The following RPL6 variants were observed in gnomAD, a reference collection of about 807,000 sequenced individuals.
The protein encoded by RPL6 is ribosomal protein L6, also known as large ribosomal subunit protein eL6.
In RPL6, 1 loss-of-function variant was observed where a neutral mutation model predicts 32.1. That is an observed-to-expected ratio of 0.03 (90% CI 0.01 to 0.15). RPL6 has a LOEUF of 0.15. Among genes scored for constraint, RPL6 ranks in the 10% least tolerant of loss-of-function variants. RPL6 has a pLI of 1.00. For synonymous variants in RPL6, 126 were observed against 131.6 expected (o/e 0.96, Z 0.29); for missense variants, 275 against 354.6 (o/e 0.78, Z 1.80).
In RPL6 at chr12:112,408,309, G is replaced by C. The variant is rs17851814; in HGVS notation, c.267C>G (p.Leu89=). The C allele has an allele frequency of 6.2e-7, 1 of 1,614,186 alleles. No homozygotes were observed. The highest frequency in any genetic ancestry group is 8.5e-7 in the Non-Finnish European group (1 of 1,180,048). ...KVEKKKKEKV[L]ATVTKPVGGD... Reference sequence around the variant, plus strand: ...CACCAACTGGTTTTGTAACAGTTGCGAGAACCTTCTCCTTCTTTTTCTTTT... The same window carrying C: ...CACCAACTGGTTTTGTAACAGTTGCCAGAACCTTCTCCTTCTTTTTCTTTT... The change falls in exon 3 of 7, where the codon CTC becomes CTG. Residue 89 remains leucine (L), a synonymous_variant. Transcript: ENST00000202773.
At chr12:112,416,085 A>G (rs1292745021) in intron 1 of RPL6, among the ~76,000 whole-genome samples, 1 of 145,364 alleles carries the variant, frequency 6.9e-6, no homozygotes, top group Non-Finnish European at 1.5e-5. Flanking sequence ...CAGCCTCCTG[A>G]GTAGCTGGGA....
rs1209085428 is a variant in RPL6, at chr12:112,417,560, CTTTTTTTTTTTT to C, written c.-229+1156_-229+1167del. The stretch of plus-strand genomic sequence containing the variant: ...AATACTTCCGTACCACCCGGCCCGG[CTTTTTTTTTTTT>C]TTTTTTTTTTTTTTTTAAGAGACAT... On this transcript the variant is annotated intron_variant, in intron 1 of 5. Coordinates refer to the RPL6 transcript ENST00000551291. 1.1e-3 allele frequency among the ~76,000 whole-genome samples: 85 copies of C among 75,082 alleles called. 2 individuals carry two copies. Among genetic ancestry groups the C allele is most frequent in the South Asian group, 3.2e-3 (7 of 2,222 alleles). 49.3% of individuals were successfully genotyped at this position (75,082 alleles called of 152,430 possible).
upstream of RPL6, among the ~76,000 whole-genome samples, chr12:112,413,829 C>A: frequency 6.8e-6 from 1 of 147,842 alleles, no homozygotes. Context: ...GGTTTTAGAC[C>A]AATCTGGGTA....
chr12:112,411,052 A>G (rs998083990), upstream of RPL6, among the ~76,000 whole-genome samples: 1 of 152,246 alleles, frequency 6.6e-6, no homozygotes, highest in Non-Finnish European at 1.5e-5. Flanking sequence ...TGATACTATT[A>G]TGAGGAAACT....
upstream of RPL6, chr12:112,409,681 C>T: frequency 2.5e-6 from 1 of 394,114 alleles, no homozygotes; most frequent in Non-Finnish European, 4.5e-6. Context: ...TCTGGGGCAT[C>T]ATGGGGAATG....
chr12:112,406,675 A>T lies in RPL6; in HGVS notation c.480+72T>A. 5 of 1,574,288 alleles carry T rather than the reference A, an allele frequency of 3.2e-6. No homozygotes were observed. The South Asian group carries it at 4.6e-5, about 14-fold the overall frequency. ...AGGTAAATAAAGGAAAAGTACACCT[A>T]GCGTGCAAACGCATTGCCACCAGGC... On this transcript the variant is annotated intron_variant, in intron 4 of 6. Coordinates refer to ENST00000202773, the MANE Select transcript of RPL6 (RefSeq NM_000970.6).
At chr12:112,411,714 T>A (rs746150680), upstream of RPL6, among the ~76,000 whole-genome samples, 14 of 152,190 alleles carry the variant, frequency 9.2e-5, no homozygotes, top group African/African-American at 3.1e-4. Flanking sequence ...AACCCCCTCT[T>A]GTGTTTTGTT....
Position 112,408,557 on chromosome 12 carries a change from C to T in RPL6, c.100G>A (p.Ala34Thr). Residue 34 changes from alanine (A) to threonine (T), a missense_variant, in exon 2 of 7, where the codon GCT becomes ACT. By Grantham distance (58) the Ala-to-Thr change is moderately conservative (BLOSUM62 0). Transcript: ENST00000202773. Reference protein sequence around the residue: ...GGKVKKGNLKAKKPKKGKPHC... With the variant: ...GGKVKKGNLKTKKPKKGKPHC... ...GGCTTCCCCTTCTTGGGCTTTTTAG[C>T]TTTGAGGTTACCCTTTTTCACCTTG... is the stretch of plus-strand genomic sequence containing the variant. The T allele has an allele frequency of 6.2e-7, 1 of 1,607,650 alleles. No homozygotes were observed. Among genetic ancestry groups the T allele is most frequent in the Non-Finnish European group, 8.5e-7 (1 of 1,179,772 alleles).
intron 4 of RPL6, 63 bp from the exon 5 acceptor site, chr12:112,406,405 A>T: frequency 1.4e-6 from 2 of 1,410,100 alleles, no homozygotes; most frequent in Non-Finnish European, 2.0e-6. Flanking sequence ...GAATTCATAA[A>T]ATCACAGGCA....
intron 1 of RPL6, among the ~76,000 whole-genome samples, chr12:112,415,833 G>T (rs1215661284): frequency 6.6e-6 from 1 of 151,082 alleles, no homozygotes. Context: ...CCAAAACACT[G>T]GGATTACAGA....
At chr12:112,406,476 G>A in intron 4 of RPL6, 134 bp from the exon 5 acceptor site, 1 of 836,342 alleles carries the variant, frequency 1.2e-6, no homozygotes, top group South Asian at 1.7e-5. Context: ...AGTTCTGGAA[G>A]CAACCACAGC....
intron 5 of RPL6, 104 bp downstream of exon 5, chr12:112,406,190 G>A (rs1665448975): frequency 2.5e-6 from 3 of 1,203,966 alleles, no homozygotes; most frequent in Non-Finnish European, 3.6e-6. Flanking sequence ...AGACACTTGT[G>A]GCAATAAGTG....
chr12:112,406,258 G>A (rs769366183), intron 5 of RPL6, 36 bp downstream of exon 5: 2 of 1,579,124 alleles, frequency 1.3e-6, no homozygotes, highest in South Asian at 2.2e-5. Flanking sequence ...AAAAATGGAA[G>A]TTTCACAGAA....
chr12:112,413,584 T>TTTTTG (rs751170807), upstream of RPL6, among the ~76,000 whole-genome samples: 103 of 152,086 alleles, frequency 6.8e-4, no homozygotes, highest in African/African-American at 1.7e-3. Flanking sequence ...GATTGAGGTT[T>TTTTTG]TTTTGTTTTG....
chr12:112,408,208 A>G, intron 3 of RPL6, 32 bp downstream of exon 3: 1 of 1,520,298 alleles, frequency 6.6e-7, no homozygotes, highest in Non-Finnish European at 9.1e-7. Context: ...AAGCATAAAC[A>G]GAAAATCCAA....
Position 112,408,949 on chromosome 12 carries a change from ATTT to A in RPL6, c.1-296_1-294del, listed in dbSNP as rs1357032145. 4 of 374,596 alleles carry A rather than the reference ATTT, an allele frequency of 1.1e-5. No individual in the cohort carries two copies. The South Asian group carries it at 2.1e-4, about 19-fold the overall frequency. 23.2% of individuals were successfully genotyped at this position (374,596 alleles called of 1,614,324 possible). A position where few individuals can be genotyped will look rare whatever the true frequency, so the allele number is the denominator to read the frequency against. On this transcript the variant is annotated intron_variant, in intron 1 of 6. Coordinates refer to ENST00000202773, the MANE Select transcript of RPL6 (RefSeq NM_000970.6). ...GCGGTCAGAAGTCCGTACAACCATT[ATTT>A]TTTATTACTGTTTTGCGAATTAGAA... is the stretch of plus-strand genomic sequence containing the variant.
chr12:112,416,656 C>T (rs1270500095), intron 1 of RPL6, among the ~76,000 whole-genome samples: 6 of 152,106 alleles, frequency 3.9e-5, no homozygotes, highest in Non-Finnish European at 7.4e-5. Flanking sequence ...TCAGGTGATC[C>T]ACCTGCCTTG....
chr12:112,414,789 C>T (rs975408653), upstream of RPL6, among the ~76,000 whole-genome samples: 1 of 151,928 alleles, frequency 6.6e-6, no homozygotes, highest in African/African-American at 2.4e-5. Context: ...CCTGTAGTCC[C>T]AGCTACTTGG....
chr12:112,416,196 G>A (rs1286338792), intron 1 of RPL6, among the ~76,000 whole-genome samples: 2 of 143,214 alleles, frequency 1.4e-5, no homozygotes, highest in Non-Finnish European at 1.5e-5. Context: ...CTGGAGTGCA[G>A]TGGTGTGATC....
Sources: gnomAD v4.1 joint callset for allele counts (sites outside exome capture counted in the v4.1 genomes callset) on GRCh38, gnomAD v4.1.1 for gene constraint, MANE v1.5 for transcripts, NCBI Gene and HGNC (gene_info 2026-07-23, HGNC 2026-07-21) for gene names.